KCNH8: variants seen among roughly 807,000 people sequenced by gnomAD.
KCNH8 encodes the protein voltage-gated delayed rectifier potassium channel KCNH8.
A neutral mutation model predicts 103.6 loss-of-function variants in KCNH8; 70 were observed. The observed-to-expected ratio is 0.68, with a 90% confidence interval of 0.56 to 0.82. The LOEUF (loss-of-function observed/expected upper bound fraction) is 0.82. Among genes scored for constraint, KCNH8 ranks in the 40% least tolerant of loss-of-function variants. The pLI is 0.00. For missense variants in KCNH8, 1,217 were observed against 1,329.9 expected (o/e 0.92, Z 1.32); for synonymous variants, 498 against 489.4 (o/e 1.02, Z -0.23).
intron 7 of KCNH8, among the ~76,000 whole-genome samples, chr3:19,417,439 C>G (rs1342391629): frequency 1.3e-5 from 2 of 151,606 alleles, no homozygotes; most frequent in Non-Finnish European, 2.9e-5. Context: ...GGTTTAATTA[C>G]TCTGGACCTT....
intron 11 of KCNH8, among the ~76,000 whole-genome samples, chr3:19,495,277 A>G (rs565524879): frequency 2.0e-5 from 3 of 152,100 alleles, no homozygotes; most frequent in African/African-American, 7.2e-5. Flanking sequence ...GCCAGGTCCT[A>G]TGTCCAGAAT....
Position 19,451,251 on chromosome 3 carries a change from G to A in KCNH8, c.1672G>A (p.Gly558Ser). Reference protein sequence around the residue: ...QLSLFECASRGCLRSLSLHIK... With the variant: ...QLSLFECASRSCLRSLSLHIK... ...GTCCCTTTTTGAATGTGCCAGCCGG[G>A]GCTGCCTCAGGTCTCTGTCTCTACA... is the stretch of plus-strand genomic sequence containing the variant. Residue 558 changes from glycine (G) to serine (S), a missense_variant, in exon 10 of 16, where the codon GGC becomes AGC. Gly to Ser is a moderately conservative substitution (Grantham distance 56, BLOSUM62 0). Coordinates refer to ENST00000328405, the MANE Select transcript of KCNH8 (RefSeq NM_144633.3). The A allele has an allele frequency of 1.9e-6, 3 of 1,613,904 alleles. No homozygotes were observed. The highest frequency in any genetic ancestry group is 1.7e-6 in the Non-Finnish European group (2 of 1,179,912).
chr3:19,514,040 A>T (rs2125243375), intron 13 of KCNH8, among the ~76,000 whole-genome samples: 1 of 152,228 alleles, frequency 6.6e-6, no homozygotes, highest in African/African-American at 2.4e-5. Context: ...TTGCGAGATA[A>T]TTTCACATTC....
At chr3:19,303,287 G>T (rs1365658935) in intron 3 of KCNH8, among the ~76,000 whole-genome samples, 1 of 152,136 alleles carries the variant, frequency 6.6e-6, no homozygotes, top group Non-Finnish European at 1.5e-5. Flanking sequence ...AAACAACCAT[G>T]AGGAAATTTT....
intron 15 of KCNH8, among the ~76,000 whole-genome samples, chr3:19,525,899 GATT>G (rs1363044227): frequency 6.6e-6 from 1 of 151,868 alleles, no homozygotes. Flanking sequence ...TGCTGAGTAT[GATT>G]ATTATTTTAG....
chr3:19,518,490 C>T (rs537894786), intron 15 of KCNH8, among the ~76,000 whole-genome samples: 5 of 152,096 alleles, frequency 3.3e-5, no homozygotes, highest in African/African-American at 9.6e-5. Context: ...AGTCAAATGG[C>T]CTGAACTCTG....
chr3:19,332,875 CG>C (rs1264482985), intron 3 of KCNH8, among the ~76,000 whole-genome samples: 1 of 152,070 alleles, frequency 6.6e-6, no homozygotes, highest in Non-Finnish European at 1.5e-5. Context: ...TCAAGTGATC[CG>C]CCCGCCTTGG....
At chr3:19,195,387 C>G (rs1248319391) in intron 1 of KCNH8, among the ~76,000 whole-genome samples, 1 of 151,880 alleles carries the variant, frequency 6.6e-6, no homozygotes, top group East Asian at 1.9e-4. Flanking sequence ...ATAGGCTTTT[C>G]ATTTTCTCGA....
chr3:19,381,677 C>T (rs2066289807), intron 5 of KCNH8, among the ~76,000 whole-genome samples: 1 of 151,354 alleles, frequency 6.6e-6, no homozygotes, highest in Non-Finnish European at 1.5e-5. Context: ...ACTTCACTAC[C>T]ACGAGAATTG....
intron 9 of KCNH8, chr3:19,450,590 C>G: frequency 2.5e-6 from 1 of 405,578 alleles, no homozygotes; most frequent in Non-Finnish European, 4.6e-6. Context: ...TCAATTCTTA[C>G]GATAATTTAA....
intron 2 of KCNH8, among the ~76,000 whole-genome samples, chr3:19,277,850 T>C (rs1404902430): frequency 6.6e-6 from 1 of 152,180 alleles, no homozygotes; most frequent in South Asian, 2.1e-4. Context: ...TCATCTGTGT[T>C]GACACTCTCC....
chr3:19,239,678 C>CTGTG (rs1553627714), intron 1 of KCNH8, among the ~76,000 whole-genome samples: 2 of 151,600 alleles, frequency 1.3e-5, no homozygotes, highest in Admixed American at 6.6e-5. Flanking sequence ...ATCTATCTAT[C>CTGTG]TATCTACCTA....
At chr3:19,506,159 T>G (rs1195079699) in intron 11 of KCNH8, among the ~76,000 whole-genome samples, 2 of 152,190 alleles carry the variant, frequency 1.3e-5, no homozygotes, top group African/African-American at 4.8e-5. Flanking sequence ...TTCTGGCATT[T>G]CAGCGATTTC....
intron 2 of KCNH8, among the ~76,000 whole-genome samples, chr3:19,255,191 C>T (rs1402360319): frequency 6.6e-6 from 1 of 152,120 alleles, no homozygotes; most frequent in Admixed American, 6.6e-5. Flanking sequence ...GAAGAGAGGC[C>T]TCAGGAGAAA....
At chr3:19,527,332 A>AAT (rs1276624828) in intron 15 of KCNH8, among the ~76,000 whole-genome samples, 1 of 152,060 alleles carries the variant, frequency 6.6e-6, no homozygotes, top group Non-Finnish European at 1.5e-5. Context: ...CTTTAAGCTA[A>AAT]ATACTTTCTG....
chr3:19,350,019 G>C (rs1200592497), intron 5 of KCNH8, among the ~76,000 whole-genome samples: 2 of 152,026 alleles, frequency 1.3e-5, no homozygotes, highest in Non-Finnish European at 2.9e-5. Context: ...GAAATCTCTT[G>C]TTGACCAACT....
intron 11 of KCNH8, among the ~76,000 whole-genome samples, chr3:19,493,879 G>A (rs555608608): frequency 2.0e-5 from 3 of 152,036 alleles, no homozygotes; most frequent in Non-Finnish European, 2.9e-5. Flanking sequence ...AGGTTCAGGG[G>A]TACATGTGCA....
chr3:19,369,856 G>A (rs550821278), intron 5 of KCNH8, among the ~76,000 whole-genome samples: 6 of 151,888 alleles, frequency 4.0e-5, no homozygotes, highest in African/African-American at 9.6e-5. Flanking sequence ...TATTCTTGAC[G>A]CTGCTTCTTT....
chr3:19,442,775 C>A (rs986172684), intron 8 of KCNH8, among the ~76,000 whole-genome samples: 13 of 152,012 alleles, frequency 8.6e-5, no homozygotes, highest in Non-Finnish European at 1.6e-4. Context: ...GTGAAAATTA[C>A]CCTGGCTAGG....
Sources: allele counts gnomAD v4.1 joint callset (sites outside exome capture counted in the v4.1 genomes callset), GRCh38; gene constraint gnomAD v4.1.1; transcripts MANE v1.5; gene names NCBI Gene and HGNC (gene_info 2026-07-23, HGNC 2026-07-21).